ZKSCAN4: variants seen among roughly 807,000 people sequenced by gnomAD.
ZKSCAN4 encodes zinc finger with KRAB and SCAN domains 4, also known as zinc finger protein with KRAB and SCAN domains 4.
In ZKSCAN4, 23 loss-of-function variants were observed where a neutral mutation model predicts 30.8. The ratio of observed to expected loss-of-function variants is 0.75; its 90% confidence interval spans 0.54 to 1.06. ZKSCAN4 has a LOEUF of 1.06. Among genes scored for constraint, ZKSCAN4 ranks in the 50% least tolerant of loss-of-function variants. The pLI, the probability that ZKSCAN4 is intolerant of heterozygous loss-of-function variation, is 0.00. For synonymous variants in ZKSCAN4, 208 were observed against 252.5 expected, an observed-to-expected ratio of 0.82 and a Z score of 1.67; for missense variants, 556 against 665.4, an observed-to-expected ratio of 0.84 and a Z score of 1.81.
At position 28,246,130 on chromosome 6, in the gene ZKSCAN4, CA is replaced by C. The variant is rs901096251; in HGVS notation, c.779-156del. On this transcript the variant is annotated intron_variant, in intron 4 of 4. Transcript: ENST00000377294. ...TAAGAATGGGAATAAAAAGGGAGAACAGGGGTGCTGGGGAGGAAGGAGGCCT... is the reference window on the plus strand; with the variant it reads ...TAAGAATGGGAATAAAAAGGGAGAACGGGGTGCTGGGGAGGAAGGAGGCCT... 16 of 1,050,376 alleles carry C rather than the reference CA, an allele frequency of 1.5e-5. 1 individual carries two copies. Among genetic ancestry groups the C allele is most frequent in the East Asian group, 9.8e-5 (4 of 40,978 alleles). 65.1% of individuals were successfully genotyped at this position (1,050,376 alleles called of 1,614,324 possible). A position where few individuals can be genotyped will look rare whatever the true frequency, so the allele number is the denominator to read the frequency against.
chr6:28,245,345 C>A lies in ZKSCAN4; in HGVS notation c.1409G>T (p.Ser470Ile). The A allele has an allele frequency of 2.5e-6, 4 of 1,614,248 alleles. No homozygotes were observed. The highest frequency in any genetic ancestry group is 3.4e-6 in the Non-Finnish European group (4 of 1,180,042). The change falls in exon 5 of 5, where the codon AGT becomes ATT. Residue 470 changes from serine (S) to isoleucine (I), a missense_variant. By Grantham distance (142) the Ser-to-Ile change is moderately radical (BLOSUM62 -2). Coordinates refer to ENST00000377294, the MANE Select transcript of ZKSCAN4 (RefSeq NM_019110.5). ...CCACTGGCTTTCCGTCCTACCCTGA[C>A]TTTCCCAGGACTCCCCGTGCTCAGG... ...QNPEHGESWE[S>I]QGRTESQWEN...
rs1370277397 is a variant in ZKSCAN4, at chr6:28,243,787, C to A, written c.*1329G>T. Among the ~76,000 whole-genome samples the A allele has an allele frequency of 6.6e-6, 1 of 152,040 alleles. No individual in the cohort carries two copies. The highest frequency in any genetic ancestry group is 1.5e-5 in the Non-Finnish European group (1 of 68,016). ...TCAAGCAACTCTCCTACCTCAGCCT[C>A]CCAAGTAGCAGGGATTACAGGCGTG... On this transcript the variant is annotated 3_prime_UTR_variant, in exon 5 of 5. Coordinates refer to ENST00000377294, the MANE Select transcript of ZKSCAN4 (RefSeq NM_019110.5).
In ZKSCAN4 at chr6:28,252,052, G is replaced by A. The variant is rs1761029456; in HGVS notation, c.-72C>T. 4 of 1,475,008 alleles carry A rather than the reference G, an allele frequency of 2.7e-6. No homozygotes were observed. Among genetic ancestry groups the A allele is most frequent in the Middle Eastern group, 1.8e-4 (1 of 5,502 alleles). 91.4% of individuals were successfully genotyped at this position (1,475,008 alleles called of 1,614,324 possible). A position where few individuals can be genotyped will look rare whatever the true frequency, so the allele number is the denominator to read the frequency against. On this transcript the variant is annotated 5_prime_UTR_variant, in exon 1 of 5. Transcript: ENST00000377294. ...TATCTTCAGAGGATTCTGGAAGGGT[G>A]GTAAATTTTCCAGTAGAACTGCAAG...
rs1404793502 is a variant in ZKSCAN4 at position 28,245,123 on chromosome 6, G to C, written c.1631C>G (p.Ser544Ter). The C allele has an allele frequency of 1.9e-5, 30 of 1,611,952 alleles. No homozygotes were observed. Among genetic ancestry groups the C allele is most frequent in the Admixed American group, 3.3e-5 (2 of 59,968 alleles). ...QRSHVGKKTL[S>*]Q ...TGGCATGAATACCATGGGTCACTGT[G>C]AAAGAGTTTTTTTCCCTACATGGCT... is the stretch of plus-strand genomic sequence containing the variant. Residue 544 changes from serine to a stop codon, truncating the protein, a stop_gained, in exon 5 of 5, where the codon TCA becomes TGA. Transcript: ENST00000377294. LOFTEE classifies it high-confidence loss of function.
In ZKSCAN4 at chr6:28,242,019, A is replaced by G. The variant is rs1020415699; in HGVS notation, c.*3097T>C. Among the ~76,000 whole-genome samples, 2 of 152,166 alleles carry G rather than the reference A, an allele frequency of 1.3e-5. No individual in the cohort carries two copies. The highest frequency in any genetic ancestry group is 2.1e-4 in the South Asian group (1 of 4,826). On this transcript the variant is annotated 3_prime_UTR_variant, in exon 5 of 5. Coordinates refer to ENST00000377294, the MANE Select transcript of ZKSCAN4 (RefSeq NM_019110.5). Reference sequence around the variant, plus strand: ...TTTTTTCATTATAACCATTCATTCTATCGAAGTAGAAAAAGTGCTATAACC... The same window carrying G: ...TTTTTTCATTATAACCATTCATTCTGTCGAAGTAGAAAAAGTGCTATAACC...
the ZKSCAN4 span, among the ~76,000 whole-genome samples, chr6:28,258,462 GTC>G: frequency 6.6e-6 from 1 of 152,060 alleles, no homozygotes. Context: ...GGGTGGAAAA[GTC>G]TGTGAATTTA....
intron 4 of ZKSCAN4, among the ~76,000 whole-genome samples, chr6:28,246,405 A>G (rs566007849): frequency 2.0e-5 from 3 of 152,074 alleles, no homozygotes; most frequent in Non-Finnish European, 2.9e-5. Flanking sequence ...TGATCGATCA[A>G]TGACATGGAC....
In ZKSCAN4 at chr6:28,249,714, G is replaced by A. The variant is rs1760901729; in HGVS notation, c.544C>T (p.Leu182=). The part of the protein sequence containing the change: ...PMKALFKHES[L]GSQPLHDRVL... The stretch of plus-strand genomic sequence containing the variant: ...CTATCGTGTAAGGGCTGGGATCCCA[G>A]AGATTCATGCTTGAACAGAGCCTTC... Residue 182 remains leucine, a synonymous_variant, in exon 2 of 5, where the codon CTG becomes TTG. Transcript: ENST00000377294. This position sits in a 1 kb window ranked among gnomAD's most constrained non-coding sequence, Gnocchi z 4.1. 6.2e-7 allele frequency: 1 copy of A among 1,614,162 alleles called. No individual in the cohort carries two copies. The highest frequency in any genetic ancestry group is 8.5e-7 in the Non-Finnish European group (1 of 1,180,016).
intron 1 of ZKSCAN4, among the ~76,000 whole-genome samples, chr6:28,250,745 C>T (rs764106575): frequency 2.0e-4 from 31 of 152,166 alleles, no homozygotes; most frequent in Non-Finnish European, 4.3e-4. Context: ...GTCTCACGTG[C>T]AGCTCAGAAT....
Position 28,249,950 on chromosome 6 carries a change from T to C in ZKSCAN4, c.424-116A>G, listed in dbSNP as rs1760917723. ...CCTTATGATATTAACACAATTAATA[T>C]AGATAACAACCCTGTGAGCTATTAT... On this transcript the variant is annotated intron_variant, in intron 1 of 4. Transcript: ENST00000377294. The surrounding 1 kb of genome is among the most constrained non-coding windows in gnomAD (Gnocchi z 4.1). The C allele has an allele frequency of 7.6e-6, 9 of 1,183,430 alleles. No individual in the cohort carries two copies. In the East Asian group the frequency reaches 9.6e-5, roughly 13 times the overall value. The allele number at this position is 1,183,430 out of a possible 1,614,324, so 73.3% of individuals were successfully genotyped here.
rs1150712 is a variant in ZKSCAN4, at chr6:28,245,461, T to C, written c.1293A>G (p.Pro431=). The C allele has an allele frequency of 0.018, 28,932 of 1,614,190 alleles. 1,615 individuals are homozygous for C. The East Asian group carries it at 0.2, about 11-fold the overall frequency. ...CTTTGCCACACATATTGCACTGGTATGGCTTCTCCCCAGTATGAATTTTGT... is the reference window on the plus strand; with the variant it reads ...CTTTGCCACACATATTGCACTGGTACGGCTTCTCCCCAGTATGAATTTTGT... The part of the protein sequence containing the change: ...EHHKIHTGEK[P]YQCNMCGKAF... Residue 431 remains proline (P), a synonymous_variant, in exon 5 of 5, where the codon CCA becomes CCG. Coordinates refer to ENST00000377294, the MANE Select transcript of ZKSCAN4 (RefSeq NM_019110.5).
At chr6:28,250,060 T>C (rs57481919) in intron 1 of ZKSCAN4, among the ~76,000 whole-genome samples, 2,682 of 151,494 alleles carry the variant, frequency 0.018, 31 homozygotes, top group African/African-American at 0.046. Context: ...TTTGTTGTTG[T>C]TGGTTTTTTT....
chr6:28,253,487 G>C (rs1041245787), upstream of ZKSCAN4, among the ~76,000 whole-genome samples: 1 of 152,172 alleles, frequency 6.6e-6, no homozygotes, highest in African/African-American at 2.4e-5. This position sits in a 1 kb window ranked among gnomAD's most constrained non-coding sequence, Gnocchi z 4.2. Context: ...AGAAGGTAGG[G>C]GGCACTGCCC....
At position 28,249,654 on chromosome 6, in the gene ZKSCAN4, T is replaced by C. The variant is rs778379353; in HGVS notation, c.571+33A>G. ...CTTAAATGAAATTGGATGAAGTCTA[T>C]AGAATTCATACAACCCAGAAGAGAA... is the stretch of plus-strand genomic sequence containing the variant. On this transcript the variant is annotated intron_variant, in intron 2 of 4. Transcript: ENST00000377294. The surrounding 1 kb of genome is among the most constrained non-coding windows in gnomAD (Gnocchi z 4.1). The C allele has an allele frequency of 1.2e-6, 2 of 1,602,956 alleles. No individual in the cohort carries two copies. The highest frequency in any genetic ancestry group is 3.5e-5 in the Admixed American group (2 of 57,872).
At chr6:28,253,367 C>T (rs1380129944), upstream of ZKSCAN4, among the ~76,000 whole-genome samples, 3 of 152,168 alleles carry the variant, frequency 2.0e-5, no homozygotes, top group Non-Finnish European at 4.4e-5. This position sits in a 1 kb window ranked among gnomAD's most constrained non-coding sequence, Gnocchi z 4.2. Flanking sequence ...TTGCCTATGC[C>T]TCTACATTCC....
chr6:28,259,201 A>C, the ZKSCAN4 span: 19 of 572,306 alleles, frequency 3.3e-5, no homozygotes, highest in Admixed American at 2.6e-4. Context: ...AGAAGCCTTC[A>C]CGCAGCCAAG....
chr6:28,251,886 G>C lies in ZKSCAN4; in HGVS notation c.95C>G (p.Ala32Gly), dbSNP rs1172968679. Residue 32 changes from alanine (A) to glycine (G), a missense_variant, in exon 1 of 5, where the codon GCC becomes GGC. Physicochemically the swap from Ala to Gly is moderately conservative, Grantham distance 60. This residue lies in a region of ZKSCAN4 where 115 missense variants were observed against 125.9 expected (regional missense o/e 0.91). Coordinates refer to ENST00000377294, the MANE Select transcript of ZKSCAN4 (RefSeq NM_019110.5). The surrounding 1 kb of genome is among the most constrained non-coding windows in gnomAD (Gnocchi z 4.5). ...LLTVKVEKEE[A>G]SALTAEVRAP... ...TCTCACCTCCGCCGTCAAGGCGGAG[G>C]CTTCCTCCTTCTCCACCTTCACGGT... 4.5e-6 allele frequency: 7 copies of C among 1,546,952 alleles called. No homozygotes were observed. The highest frequency in any genetic ancestry group is 6.1e-6 in the Non-Finnish European group (7 of 1,152,416).
rs147340753 is a variant in ZKSCAN4, at chr6:28,251,705, G to A, written c.276C>T (p.Ile92=). 4.4e-5 allele frequency: 71 copies of A among 1,614,086 alleles called. No individual in the cohort carries two copies. In the African/African-American group the frequency reaches 8.8e-4, roughly 20 times the overall value. The change falls in exon 1 of 5, where the codon ATC becomes ATT. Residue 92 remains isoleucine, a synonymous_variant. Coordinates refer to ENST00000377294, the MANE Select transcript of ZKSCAN4 (RefSeq NM_019110.5). The surrounding 1 kb of genome is among the most constrained non-coding windows in gnomAD (Gnocchi z 4.5). ...LQPEMHSKEQ[I]LELLVLEQFL... Reference sequence around the variant, plus strand: ...ACTGCTCCAGCACCAGCAGCTCCAGGATCTGCTCCTTGCTGTGCATCTCAG... The same window carrying A: ...ACTGCTCCAGCACCAGCAGCTCCAGAATCTGCTCCTTGCTGTGCATCTCAG...
At position 28,249,747 on chromosome 6, in the gene ZKSCAN4, G is replaced by C; in HGVS notation, c.511C>G (p.Gln171Glu). 3 of 1,614,176 alleles carry C rather than the reference G, an allele frequency of 1.9e-6. No homozygotes were observed. In the South Asian group the frequency reaches 3.3e-5, roughly 18 times the overall value. ...QTQGSQSSQCQPMKALFKHES... is the reference protein window; with the variant it reads ...QTQGSQSSQCEPMKALFKHES... ...TGCTTGAACAGAGCCTTCATTGGCT[G>C]GCACTGGCTACTTTGAGACCCTTGA... Residue 171 changes from glutamine (Q) to glutamate (E), a missense_variant, in exon 2 of 5, where the codon CAG (glutamine) becomes GAG (glutamate). Coordinates refer to ENST00000377294, the MANE Select transcript of ZKSCAN4 (RefSeq NM_019110.5). This position sits in a 1 kb window ranked among gnomAD's most constrained non-coding sequence, Gnocchi z 4.1.
Sources: allele counts gnomAD v4.1 joint callset (sites outside exome capture counted in the v4.1 genomes callset), GRCh38; gene constraint gnomAD v4.1.1; regional missense constraint gnomAD v4.1.1; non-coding constraint Gnocchi (gnomAD v3.1); transcripts MANE v1.5; gene names NCBI Gene and HGNC (gene_info 2026-07-23, HGNC 2026-07-21).